Variants in XPC observed in about 807,000 individuals in gnomAD.
XPC encodes DNA repair protein complementing XP-C cells.
XPC carries 76 observed loss-of-function variants against 95.8 expected under a neutral mutation model. The ratio of observed to expected loss-of-function variants is 0.79; its 90% confidence interval spans 0.66 to 0.96. The LOEUF (loss-of-function observed/expected upper bound fraction) is 0.96. Ranked by LOEUF, XPC falls within the 40% of genes least tolerant of loss-of-function variation. XPC has a pLI of 0.00. For missense variants in XPC, 1,146 were observed against 1,179.8 expected (o/e 0.97, Z 0.42); for synonymous variants, 442 against 442.1 (o/e 1.00, Z 0.00).
intron 9 of XPC, among the ~76,000 whole-genome samples, chr3:14,157,134 C>A (rs111754034): frequency 5.3e-5 from 8 of 152,212 alleles, no homozygotes; most frequent in Admixed American, 4.6e-4. Context: ...GCTTCCACTG[C>A]GCTTTAGGTA....
intron 11 of XPC, among the ~76,000 whole-genome samples, chr3:14,150,526 T>C: frequency 6.6e-6 from 1 of 152,168 alleles, no homozygotes; most frequent in Non-Finnish European, 1.5e-5. Context: ...TGAGAAGCCA[T>C]TCACCCAGCA....
chr3:14,154,182 T>G (rs1124303), intron 10 of XPC, among the ~76,000 whole-genome samples: 7,587 of 152,294 alleles, frequency 0.05, 286 homozygotes, highest in Non-Finnish European at 0.081. Context: ...CCTTGTGGAC[T>G]GTCGGTGAAA....
At chr3:14,170,284 T>C (rs1421832982) in intron 3 of XPC, among the ~76,000 whole-genome samples, 154 bp downstream of exon 3, 1 of 152,196 alleles carries the variant, frequency 6.6e-6, no homozygotes, top group Admixed American at 6.5e-5. Flanking sequence ...TTTTTCCATA[T>C]ATATCAAAGC....
intron 15 of XPC, among the ~76,000 whole-genome samples, chr3:14,146,868 C>T (rs1362232731): frequency 4.6e-5 from 7 of 152,334 alleles, no homozygotes; most frequent in African/African-American, 1.7e-4. Flanking sequence ...CACCTGTGTC[C>T]AAGCCTGGCC....
rs1696051442 is a variant in XPC at position 14,158,852 on chromosome 3, C to T, written c.1031G>A (p.Gly344Glu). The change falls in exon 9 of 16, where the codon GGA (glycine) becomes GAA (glutamate). Residue 344 changes from glycine to glutamate, a missense_variant. Gly to Glu is a moderately conservative substitution (Grantham distance 98, BLOSUM62 -2). Coordinates refer to ENST00000285021, the MANE Select transcript of XPC (RefSeq NM_004628.5). This position sits in a 1 kb window ranked among gnomAD's most constrained non-coding sequence, Gnocchi z 5.2. ...PSKERLTADP[G>E]GSSETSSQVL... ...TTGGCTGGAAGTTTCTGAGGAGCCTCCTGGATCCGCAGTCAATCTTTCCTT... is the reference window on the plus strand; with the variant it reads ...TTGGCTGGAAGTTTCTGAGGAGCCTTCTGGATCCGCAGTCAATCTTTCCTT... The T allele has an allele frequency of 6.2e-7, 1 of 1,613,822 alleles. No individual in the cohort carries two copies. The highest frequency in any genetic ancestry group is 8.5e-7 in the Non-Finnish European group (1 of 1,179,880).
chr3:14,156,900 C>T (rs530347659), intron 9 of XPC, among the ~76,000 whole-genome samples: 3 of 152,330 alleles, frequency 2.0e-5, no homozygotes, highest in African/African-American at 7.2e-5. Flanking sequence ...AAACTGAGAG[C>T]AGCGGTTCTC....
Position 14,173,042 on chromosome 3 carries a change from G to T in XPC, c.124C>A (p.Pro42Thr). The T allele has an allele frequency of 1.3e-6, 2 of 1,591,958 alleles. No individual in the cohort carries two copies. Among genetic ancestry groups the T allele is most frequent in the Admixed American group, 1.8e-5 (1 of 55,828 alleles). ...EEEDAFEDEK[P>T]PKKSLLSKVS... ...TTGGAGAGAAGGCTCTTCTTTGGGG[G>T]TTTCTCATCTTCAAAGGCATCTAGG... Residue 42 changes from proline (P) to threonine (T), a missense_variant, in exon 2 of 16, where the codon CCC (proline) becomes ACC (threonine). Transcript: ENST00000285021.
chr3:14,176,709 T>A (rs922910656), intron 1 of XPC, among the ~76,000 whole-genome samples: 1 of 152,236 alleles, frequency 6.6e-6, no homozygotes. Flanking sequence ...AGAAACAGAA[T>A]CTAGTGTGAT....
In XPC at chr3:14,158,637, G is replaced by A. The variant is rs369928352; in HGVS notation, c.1246C>T (p.Arg416Cys). 1.0e-4 allele frequency: 167 copies of A among 1,613,770 alleles called. No individual in the cohort carries two copies. The highest frequency in any genetic ancestry group is 1.3e-4 in the Non-Finnish European group (151 of 1,179,888). ...ACCCGCCGCTCCCGGCCATGCGGAC[G>A]TCGCTGGGTTGCCTTCTCCTGCTTG... ...GDKQEKATQR[R>C]PHGRERRVAS... is the part of the protein sequence containing the mutation. Residue 416 changes from arginine (R) to cysteine (C), a missense_variant, in exon 9 of 16, where the codon CGT becomes TGT. Coordinates refer to ENST00000285021, the MANE Select transcript of XPC (RefSeq NM_004628.5). This position sits in a 1 kb window ranked among gnomAD's most constrained non-coding sequence, Gnocchi z 5.2.
chr3:14,160,967 C>T (rs1696145612), intron 7 of XPC, among the ~76,000 whole-genome samples: 1 of 152,200 alleles, frequency 6.6e-6, no homozygotes, highest in Non-Finnish European at 1.5e-5. Context: ...ACTCTGGAAA[C>T]AGTCTAGTGC....
Position 14,158,421 on chromosome 3 carries a change from G to A in XPC, c.1462C>T (p.Arg488Cys), listed in dbSNP as rs777425509. Residue 488 changes from arginine (R) to cysteine (C), a missense_variant, in exon 9 of 16, where the codon CGT becomes TGT. Physicochemically the swap from Arg to Cys is radical, Grantham distance 180 (BLOSUM62 -3). Transcript: ENST00000285021. This position sits in a 1 kb window ranked among gnomAD's most constrained non-coding sequence, Gnocchi z 5.2. ...AGSKSASRTHRGSHRKDPSLP... is the reference protein window; with the variant it reads ...AGSKSASRTHCGSHRKDPSLP... ...CTTGGGTCCTTACGATGGCTCCCAC[G>A]ATGGGTCCTGGAGGCACTCTTGGAC... The A allele has an allele frequency of 8.7e-6, 14 of 1,613,700 alleles. No individual in the cohort carries two copies. The highest frequency in any genetic ancestry group is 3.3e-5 in the South Asian group (3 of 91,082).
At chr3:14,172,727 G>C in intron 2 of XPC, 140 bp downstream of exon 2, 1 of 941,022 alleles carries the variant, frequency 1.1e-6, no homozygotes, top group Non-Finnish European at 1.5e-6. Context: ...AGCTCTTACC[G>C]GTCTGAGTTG....
chr3:14,165,191 C>T (rs764063867), intron 6 of XPC, among the ~76,000 whole-genome samples: 64 of 152,278 alleles, frequency 4.2e-4, no homozygotes, highest in Non-Finnish European at 3.7e-4. Context: ...ACACCCCTTC[C>T]AGGGCACTCC....
chr3:14,156,236 A>G, intron 10 of XPC, 99 bp downstream of exon 10: 12 of 1,446,230 alleles, frequency 8.3e-6, no homozygotes, highest in Non-Finnish European at 1.1e-5. Flanking sequence ...AATGCTGTCC[A>G]GTCAGATGAG....
intron 1 of XPC, among the ~76,000 whole-genome samples, chr3:14,178,201 G>A (rs1360691624): frequency 2.0e-5 from 3 of 152,270 alleles, no homozygotes; most frequent in Admixed American, 6.5e-5. Flanking sequence ...CTGAACATCT[G>A]TATCCTCTGG....
Position 14,164,926 on chromosome 3 carries a change from CAATG to C in XPC, c.783_786del (p.Phe261LeufsTer43). Reference sequence around the variant, plus strand: ...AGTTCTGCATTAACTGTAAATGTTCCAATGAACCTGGGGAGAAAGCAGGCATTCC... The same window carrying C: ...AGTTCTGCATTAACTGTAAATGTTCCAACCTGGGGAGAAAGCAGGCATTCC... On this transcript the variant is annotated frameshift_variant, in exon 7 of 16. Coordinates refer to ENST00000285021, the MANE Select transcript of XPC (RefSeq NM_004628.5). LOFTEE classifies it high-confidence loss of function. 6.2e-7 allele frequency: 1 copy of C among 1,608,850 alleles called. No individual in the cohort carries two copies. Among genetic ancestry groups the C allele is most frequent in the Non-Finnish European group, 8.5e-7 (1 of 1,177,636 alleles).
chr3:14,145,195 C>A lies in XPC; in HGVS notation c.*746G>T, dbSNP rs1390626246. The A allele has an allele frequency of 2.0e-6, 1 of 512,230 alleles. No homozygotes were observed. 31.7% of individuals were successfully genotyped at this position (512,230 alleles called of 1,614,324 possible). Reference sequence around the variant, plus strand: ...TCTCAAAATGTTATAAAAGTCATTTCTCCTTAGTACAGAGAGCTTTATACA... The same window carrying A: ...TCTCAAAATGTTATAAAAGTCATTTATCCTTAGTACAGAGAGCTTTATACA... On this transcript the variant is annotated 3_prime_UTR_variant, in exon 16 of 16. Transcript: ENST00000285021.
rs1259284783 is a variant in XPC, at chr3:14,164,866, A to G, written c.847T>C (p.Leu283=). Residue 283 remains leucine, a synonymous_variant, in exon 7 of 16, where the codon TTG becomes CTG. Transcript: ENST00000285021. ...GAGTAAATAGCAAATCTCCTTTCCA[A>G]TGTAGTCTGCAGGTTATCTTGTTCA... is the stretch of plus-strand genomic sequence containing the variant. ...ASEQDNLQTT[L]ERRFAIYSAR... 6.2e-7 allele frequency: 1 copy of G among 1,612,830 alleles called. No individual in the cohort carries two copies. Among genetic ancestry groups the G allele is most frequent in the East Asian group, 2.2e-5 (1 of 44,796 alleles).
chr3:14,147,196 G>A (rs1695473531), intron 15 of XPC, 94 bp downstream of exon 15: 2 of 1,310,568 alleles, frequency 1.5e-6, no homozygotes, highest in African/African-American at 1.5e-5. Flanking sequence ...TCCCTGACTT[G>A]AGGCTGGGGC....
Sources: allele counts gnomAD v4.1 joint callset (sites outside exome capture counted in the v4.1 genomes callset), GRCh38; gene constraint gnomAD v4.1.1; non-coding constraint Gnocchi (gnomAD v3.1); transcripts MANE v1.5; gene names NCBI Gene and HGNC (gene_info 2026-07-23, HGNC 2026-07-21).